CCDC125: variants seen among roughly 807,000 people sequenced by gnomAD.
CCDC125 encodes coiled-coil domain-containing protein 125.
Under a neutral mutation model 57.4 loss-of-function variants are expected in CCDC125, and 43 were observed. That is an observed-to-expected ratio of 0.75 (90% CI 0.59 to 0.97). The LOEUF is 0.97. Ranked by LOEUF, CCDC125 falls within the 50% of genes least tolerant of loss-of-function variation. CCDC125 has a pLI of 0.00. For synonymous variants in CCDC125, 187 were observed against 195.2 expected (o/e 0.96, Z 0.35); for missense variants, 563 against 595.7 (o/e 0.95, Z 0.57).
At chr5:69,329,780 G>A (rs1193554422) in intron 1 of CCDC125, among the ~76,000 whole-genome samples, 1 of 152,128 alleles carries the variant, frequency 6.6e-6, no homozygotes, top group African/African-American at 2.4e-5. Flanking sequence ...TGGGATTACA[G>A]GCATGAGCCA....
At chr5:69,306,024 T>C (rs897865580) in intron 6 of CCDC125, among the ~76,000 whole-genome samples, 8 of 152,192 alleles carry the variant, frequency 5.3e-5, no homozygotes, top group Non-Finnish European at 1.2e-4. Context: ...GTTCCAAAGA[T>C]ATTTTTTCTC....
At chr5:69,299,871 C>T in intron 8 of CCDC125, 141 bp downstream of exon 8, 1 of 685,388 alleles carries the variant, frequency 1.5e-6, no homozygotes, top group Non-Finnish European at 2.6e-6. Context: ...AAGAACCAAC[C>T]TGGGCCCAGG....
At chr5:69,287,186 A>G (rs1753645799) in intron 10 of CCDC125, among the ~76,000 whole-genome samples, 1 of 151,540 alleles carries the variant, frequency 6.6e-6, no homozygotes. Flanking sequence ...AAAATGAATT[A>G]AAGTCTTGTC....
chr5:69,285,573 C>T lies in CCDC125; in HGVS notation c.1100-106G>A, dbSNP rs1427686203. The T allele has an allele frequency of 5.3e-6, 6 of 1,135,044 alleles. No homozygotes were observed. In the African/African-American group the frequency reaches 9.4e-5, roughly 18 times the overall value. The allele number at this position is 1,135,044 out of a possible 1,614,324, so 70.3% of individuals were successfully genotyped here. ...TCTAGGACAAGTGAGTCCAGGAGCA[C>T]ACAGTGGAATGTAGTGAGCAGAGCA... On this transcript the variant is annotated intron_variant, in intron 10 of 11. Transcript: ENST00000396496.
At chr5:69,285,714 A>G (rs1392778326) in intron 10 of CCDC125, among the ~76,000 whole-genome samples, 1 of 152,210 alleles carries the variant, frequency 6.6e-6, no homozygotes, top group East Asian at 1.9e-4. Context: ...AACACAGTCC[A>G]TGTCACTGGA....
chr5:69,318,264 G>A (rs1258038150), intron 2 of CCDC125, among the ~76,000 whole-genome samples: 2 of 151,648 alleles, frequency 1.3e-5, no homozygotes, highest in Non-Finnish European at 2.9e-5. Flanking sequence ...ACAGGCGTGA[G>A]CCACAGCACC....
chr5:69,314,696 T>A (rs1758726744), intron 2 of CCDC125, among the ~76,000 whole-genome samples: 1 of 151,974 alleles, frequency 6.6e-6, no homozygotes, highest in Non-Finnish European at 1.5e-5. Flanking sequence ...CCCAGTTACG[T>A]GGGAGACTGA....
At chr5:69,320,609 A>C in intron 1 of CCDC125, 29 bp from the exon 2 acceptor site, 1 of 1,010,156 alleles carries the variant, frequency 9.9e-7, no homozygotes, top group East Asian at 2.4e-5. Flanking sequence ...GTAGTTAGGA[A>C]AACATCAGTA....
chr5:69,290,695 T>TTTTGGCTCACTGCAAC (rs1341714279), intron 10 of CCDC125, among the ~76,000 whole-genome samples: 2 of 146,892 alleles, frequency 1.4e-5, no homozygotes, highest in Non-Finnish European at 3.0e-5. Context: ...AGTAGTGCAA[T>TTTTGGCTCACTGCAAC]CTTGGCTCAC....
chr5:69,299,722 C>T (rs1176007961), intron 8 of CCDC125, among the ~76,000 whole-genome samples: 7 of 152,186 alleles, frequency 4.6e-5, no homozygotes, highest in African/African-American at 4.8e-5. Flanking sequence ...CGGTAAGCCC[C>T]GACCCACATG....
At chr5:69,273,990 T>A in the CCDC125 span, among the ~76,000 whole-genome samples, 33 of 152,240 alleles carry the variant, frequency 2.2e-4, 2 homozygotes, top group East Asian at 1.2e-3. Flanking sequence ...TTTTAAAAAA[T>A]TTTTCTTTAT....
rs1391735454 is a variant in CCDC125 at position 69,302,122 on chromosome 5, T to C, written c.700+1725A>G. On this transcript the variant is annotated intron_variant, in intron 7 of 11. Coordinates refer to ENST00000396496, the MANE Select transcript of CCDC125 (RefSeq NM_176816.5). The stretch of plus-strand genomic sequence containing the variant: ...AATAAACAAATAAATAAATAAAATA[T>C]GTAAAAAGTTAACATCAGTTTGGAC... 4.0e-5 allele frequency among the ~76,000 whole-genome samples: 6 copies of C among 151,294 alleles called. No homozygotes were observed. The South Asian group carries it at 1.0e-3, about 26-fold the overall frequency.
intron 4 of CCDC125, chr5:69,309,020 G>A (rs10940216): frequency 0.39 from 59,957 of 152,392 alleles, 12,335 homozygotes; most frequent in East Asian, 0.49. Flanking sequence ...AGTATCTGGT[G>A]GAAGAAATTT....
At chr5:69,285,298 G>T in intron 11 of CCDC125, 39 bp downstream of exon 11, 4 of 1,605,292 alleles carry the variant, frequency 2.5e-6, no homozygotes, top group Non-Finnish European at 3.4e-6. Context: ...GACAAGCTTG[G>T]CTTAACCATA....
intron 1 of CCDC125, among the ~76,000 whole-genome samples, chr5:69,331,758 T>C (rs1480587430): frequency 6.6e-6 from 1 of 152,150 alleles, no homozygotes; most frequent in Non-Finnish European, 1.5e-5. Context: ...ACCCCAGGAA[T>C]GCTGTTTCTT....
intron 1 of CCDC125, among the ~76,000 whole-genome samples, chr5:69,332,135 G>C (rs1387573727): frequency 1.3e-5 from 2 of 152,220 alleles, no homozygotes; most frequent in African/African-American, 2.4e-5. Flanking sequence ...GAACTAACTT[G>C]AGCCCTCCCT....
At chr5:69,284,006 G>A (rs1752890490) in intron 11 of CCDC125, among the ~76,000 whole-genome samples, 1 of 149,754 alleles carries the variant, frequency 6.7e-6, no homozygotes, top group Admixed American at 6.7e-5. Context: ...AGTCAGGATG[G>A]TCTCGATCTC....
chr5:69,273,976 T>G, the CCDC125 span, among the ~76,000 whole-genome samples: 1 of 152,178 alleles, frequency 6.6e-6, no homozygotes, highest in Admixed American at 6.5e-5. Flanking sequence ...TCTCCTAATT[T>G]CTTTTTTAAA....
intron 1 of CCDC125, among the ~76,000 whole-genome samples, chr5:69,321,868 C>T (rs1760075097): frequency 2.0e-5 from 3 of 152,062 alleles, no homozygotes; most frequent in African/African-American, 7.2e-5. Flanking sequence ...CGGAGCTTCG[C>T]TCTTGTTGCC....
Sources: allele counts gnomAD v4.1 joint callset (sites outside exome capture counted in the v4.1 genomes callset), GRCh38; gene constraint gnomAD v4.1.1; transcripts MANE v1.5; gene names NCBI Gene and HGNC (gene_info 2026-07-23, HGNC 2026-07-21).